Variants in PRKN observed in about 807,000 individuals in gnomAD.
The protein encoded by PRKN is parkin RBR E3 ubiquitin protein ligase.
PRKN carries 56 observed loss-of-function variants against 59.5 expected under a neutral mutation model. The observed-to-expected ratio is 0.94, with a 90% CI of 0.76 to 1.18. The LOEUF is 1.18. Ranked by LOEUF, PRKN falls within the 50% of genes most tolerant of loss-of-function variation. The pLI is 0.00. For synonymous variants in PRKN, 250 were observed against 222.1 expected (o/e 1.13, Z -1.12); for missense variants, 657 against 596.4 (o/e 1.10, Z -1.06).
intron 5 of PRKN, among the ~76,000 whole-genome samples, chr6:162,036,960 A>T (rs1783873904): frequency 6.6e-6 from 1 of 152,186 alleles, no homozygotes; most frequent in South Asian, 2.1e-4. Context: ...TTTACATGAG[A>T]TGTCATGTTT....
intron 2 of PRKN, among the ~76,000 whole-genome samples, chr6:162,419,310 AGTTTT>A (rs1427629516): frequency 6.6e-6 from 1 of 152,110 alleles, no homozygotes; most frequent in Non-Finnish European, 1.5e-5. Context: ...AGATGAAAAT[AGTTTT>A]GTTTTGATTA....
At chr6:162,588,806 C>T (rs1161279247) in intron 1 of PRKN, among the ~76,000 whole-genome samples, 1 of 152,192 alleles carries the variant, frequency 6.6e-6, no homozygotes, top group Non-Finnish European at 1.5e-5. Context: ...CTGCCTCAGC[C>T]TCCCAAAGTG....
intron 1 of PRKN, among the ~76,000 whole-genome samples, chr6:162,473,556 G>C (rs551518605): frequency 1.3e-5 from 2 of 152,096 alleles, no homozygotes; most frequent in Non-Finnish European, 2.9e-5. Context: ...TGATAAAAAA[G>C]TAAAAATATG....
At chr6:162,675,149 C>T (rs556738730) in intron 1 of PRKN, among the ~76,000 whole-genome samples, 1 of 45,404 alleles carries the variant, frequency 2.2e-5, no homozygotes, top group African/African-American at 1.2e-4. Flanking sequence ...CAGGTTCAAG[C>T]GAATTCTCCT....
At chr6:162,558,327 C>CTTTTTTT (rs71278562) in intron 1 of PRKN, among the ~76,000 whole-genome samples, 4 of 132,748 alleles carry the variant, frequency 3.0e-5, no homozygotes, top group Non-Finnish European at 6.3e-5. Context: ...TTAATTTTCC[C>CTTTTTTT]TTTTTTTTTT....
intron 4 of PRKN, among the ~76,000 whole-genome samples, chr6:162,167,034 T>TGATA (rs569836560): frequency 2.0e-5 from 3 of 152,066 alleles, no homozygotes; most frequent in Non-Finnish European, 4.4e-5. Context: ...CCAACAAAGA[T>TGATA]GATAATATAG....
chr6:161,439,697 A>C (rs1476750962), intron 9 of PRKN, among the ~76,000 whole-genome samples: 1 of 112,212 alleles, frequency 8.9e-6, no homozygotes, highest in Non-Finnish European at 2.0e-5. Flanking sequence ...GAAACAAGGA[A>C]GCTAGATTTT....
intron 2 of PRKN, among the ~76,000 whole-genome samples, chr6:162,328,347 A>C (rs1241100999): frequency 6.6e-6 from 1 of 152,180 alleles, no homozygotes; most frequent in Non-Finnish European, 1.5e-5. Context: ...GCCTGGCAAC[A>C]GAGTGAGATT....
chr6:161,425,821 C>T (rs1399808789), intron 9 of PRKN, among the ~76,000 whole-genome samples: 1 of 152,176 alleles, frequency 6.6e-6, no homozygotes. Context: ...CGCCTTGCCA[C>T]ATCAGTAATT....
chr6:162,629,107 C>T (rs1224591854), intron 1 of PRKN, among the ~76,000 whole-genome samples: 1 of 152,108 alleles, frequency 6.6e-6, no homozygotes, highest in Admixed American at 6.5e-5. Context: ...TGCCCCAATT[C>T]ATATACAAGA....
chr6:161,593,993 A>C lies in PRKN; in HGVS notation c.872-24577T>G, dbSNP rs12528593. 1.2e-4 allele frequency among the ~76,000 whole-genome samples: 18 copies of C among 151,834 alleles called. No homozygotes were observed. Among genetic ancestry groups the C allele is most frequent in the Middle Eastern group, 3.4e-3 (1 of 294 alleles). ...AGTGAAACCCCATCTCTACTAAAAA[A>C]AAAAAACAAAAAACAAAAACCCAGC... On this transcript the variant is annotated intron_variant, in intron 7 of 11. Transcript: ENST00000366898. The surrounding 1 kb of genome is among the most constrained non-coding windows in gnomAD (Gnocchi z 4.8).
intron 2 of PRKN, among the ~76,000 whole-genome samples, chr6:162,339,062 C>A (rs1235577019): frequency 6.7e-6 from 1 of 148,762 alleles, no homozygotes; most frequent in Non-Finnish European, 1.5e-5. Flanking sequence ...CCGGCAGCCG[C>A]CCCGTCTGAG....
intron 6 of PRKN, among the ~76,000 whole-genome samples, chr6:161,795,318 C>T (rs977549764): frequency 4.8e-5 from 7 of 145,326 alleles, no homozygotes; most frequent in African/African-American, 1.0e-4. Context: ...CTGTAGCCTT[C>T]GTCTCCCAGG....
chr6:162,246,117 C>T (rs918285134), intron 3 of PRKN, among the ~76,000 whole-genome samples: 1 of 151,838 alleles, frequency 6.6e-6, no homozygotes, highest in African/African-American at 2.4e-5. Flanking sequence ...GAAATGTTTC[C>T]CTGCTTGTTG....
chr6:161,728,980 C>G (rs768954933), intron 7 of PRKN, among the ~76,000 whole-genome samples: 1 of 152,188 alleles, frequency 6.6e-6, no homozygotes. Flanking sequence ...TAAAATCAAA[C>G]TCAAATGTGC....
rs6455812 is a variant in PRKN at position 162,363,954 on chromosome 6, C to A, written c.171+79356G>T. Among the ~76,000 whole-genome samples the A allele has an allele frequency of 2.9e-3, 447 of 152,284 alleles. 7 individuals are homozygous for A. Among genetic ancestry groups the A allele is most frequent in the South Asian group, 0.012 (57 of 4,826 alleles). On this transcript the variant is annotated intron_variant, in intron 2 of 11. Coordinates refer to ENST00000366898, the MANE Select transcript of PRKN (RefSeq NM_004562.3). ...ACAGTAGTCCCAGCTCAGTATTCAC[C>A]GGCTGTGATGCAAATCCACCCATGA...
Position 161,552,429 on chromosome 6 carries a change from AAGCC to A in PRKN, c.934-3430_934-3427del, listed in dbSNP as rs1178375239. On this transcript the variant is annotated intron_variant, in intron 8 of 11. Coordinates refer to ENST00000366898, the MANE Select transcript of PRKN (RefSeq NM_004562.3). This position sits in a 1 kb window ranked among gnomAD's most constrained non-coding sequence, Gnocchi z 4.9. ...GTGAATGATCTCACGGTGATCCTCC[AAGCC>A]TCTCTCCCTCAGCTCTGTTCACCTC... Among the ~76,000 whole-genome samples the A allele has an allele frequency of 0.41, 50,742 of 123,468 alleles. 14,714 individuals carry two copies. Among genetic ancestry groups the A allele is most frequent in the East Asian group, 0.63 (2,489 of 3,976 alleles). 81.0% of individuals were successfully genotyped at this position (123,468 alleles called of 152,430 possible).
At chr6:161,615,039 G>T (rs1395491650) in intron 7 of PRKN, among the ~76,000 whole-genome samples, 2 of 152,128 alleles carry the variant, frequency 1.3e-5, no homozygotes, top group Non-Finnish European at 2.9e-5. Context: ...GCTGGAGTCT[G>T]ATAGGTCCTT....
chr6:161,627,694 G>A (rs1783144643), intron 7 of PRKN, among the ~76,000 whole-genome samples: 1 of 152,220 alleles, frequency 6.6e-6, no homozygotes, highest in African/African-American at 2.4e-5. Context: ...AATTCAGGGA[G>A]CAAATGGCCA....
Sources: allele counts gnomAD v4.1 joint callset (sites outside exome capture counted in the v4.1 genomes callset), GRCh38; gene constraint gnomAD v4.1.1; non-coding constraint Gnocchi (gnomAD v3.1); transcripts MANE v1.5; gene names NCBI Gene and HGNC (gene_info 2026-07-23, HGNC 2026-07-21).